CALU: variants seen among roughly 807,000 people sequenced by gnomAD.
The protein encoded by CALU is calumenin, also known as IEF SSP 9302.
Under a neutral mutation model 37.5 loss-of-function variants are expected in CALU, and 13 were observed. The observed-to-expected ratio is 0.35, with a 90% CI of 0.23 to 0.55. The LOEUF (loss-of-function observed/expected upper bound fraction) is 0.55. Ranked by LOEUF, CALU falls within the 20% of genes least tolerant of loss-of-function variation. The pLI, the probability that CALU is intolerant of heterozygous loss-of-function variation, is 0.89. For synonymous variants in CALU, 114 were observed against 133.8 expected, an observed-to-expected ratio of 0.85 and a Z score of 1.02; for missense variants, 282 against 391.7, an observed-to-expected ratio of 0.72 and a Z score of 2.36.
chr7:128,768,771 C>T (rs763588667), intron 6 of CALU, among the ~76,000 whole-genome samples: 4 of 141,572 alleles, frequency 2.8e-5, no homozygotes, highest in Admixed American at 7.6e-5. Context: ...CACTTTAACA[C>T]GGGAGGCGGA....
At chr7:128,765,697 TG>T (rs1268643840) in intron 5 of CALU, among the ~76,000 whole-genome samples, 1 of 152,252 alleles carries the variant, frequency 6.6e-6, no homozygotes, top group Non-Finnish European at 1.5e-5. Flanking sequence ...AGACGTTTTA[TG>T]TTTATATATT....
rs1801603309 is a variant in CALU, at chr7:128,772,122, T to C, written c.*2955T>C. ...TGTCTCTCCCATTTCTAAAGTGTTT[T>C]CTTAAGTTTGTTCTAATTCAGCATA... On this transcript the variant is annotated 3_prime_UTR_variant, in exon 7 of 7. Transcript: ENST00000249364. Among the ~76,000 whole-genome samples the C allele has an allele frequency of 6.6e-6, 1 of 151,492 alleles. No homozygotes were observed. The highest frequency in any genetic ancestry group is 1.5e-5 in the Non-Finnish European group (1 of 67,912).
chr7:128,756,550 A>G (rs1438126783), intron 3 of CALU, among the ~76,000 whole-genome samples: 1 of 152,170 alleles, frequency 6.6e-6, no homozygotes, highest in East Asian at 1.9e-4. Context: ...GGTATAAATC[A>G]TCATAGCTCT....
rs189673904 is a variant in CALU, at chr7:128,744,263, T to A, written c.-11-4310T>A. ...TTTCAAATGCTGTGTATGAAGTTATTTTTTACTGTTCCTTTCACATCTTCC... is the reference window on the plus strand; with the variant it reads ...TTTCAAATGCTGTGTATGAAGTTATATTTTACTGTTCCTTTCACATCTTCC... On this transcript the variant is annotated intron_variant, in intron 1 of 6. Transcript: ENST00000249364. Among the ~76,000 whole-genome samples, 15 of 152,244 alleles carry A rather than the reference T, an allele frequency of 9.9e-5. No homozygotes were observed. In the East Asian group the frequency reaches 2.5e-3, roughly 26 times the overall value.
rs756458175 is a variant in CALU, at chr7:128,758,995, G to A, written c.540G>A (p.Leu180=). ...IATKEEFTAF[L]HPEEYDYMKD... is the part of the protein sequence containing the mutation. ...CCAAGGAGGAGTTCACAGCTTTCCT[G>A]CACCCTGAGGAGTATGACTACATGA... Residue 180 remains leucine, a synonymous_variant, in exon 4 of 7, where the codon CTG becomes CTA. Coordinates refer to ENST00000249364, the MANE Select transcript of CALU (RefSeq NM_001219.5). The A allele has an allele frequency of 6.2e-7, 1 of 1,614,000 alleles. No individual in the cohort carries two copies. The highest frequency in any genetic ancestry group is 8.5e-7 in the Non-Finnish European group (1 of 1,179,922).
chr7:128,768,554 A>C (rs1433801379), intron 6 of CALU, among the ~76,000 whole-genome samples: 3 of 152,110 alleles, frequency 2.0e-5, no homozygotes, highest in African/African-American at 2.4e-5. Context: ...GAAATGTTTA[A>C]TTGGCCTGGC....
intron 5 of CALU, among the ~76,000 whole-genome samples, chr7:128,763,560 G>A (rs1446896427): frequency 6.6e-6 from 1 of 152,112 alleles, no homozygotes; most frequent in Non-Finnish European, 1.5e-5. Flanking sequence ...AATAAAAATA[G>A]AAATTCAAAT....
chr7:128,752,921 G>A (rs1045779101), intron 2 of CALU, among the ~76,000 whole-genome samples: 2 of 152,034 alleles, frequency 1.3e-5, no homozygotes, highest in Non-Finnish European at 2.9e-5. Flanking sequence ...CTCACCTCCC[G>A]CCAGGTGATC....
At chr7:128,767,356 C>T in intron 5 of CALU, 100 bp from the exon 6 acceptor site, 1 of 911,934 alleles carries the variant, frequency 1.1e-6, no homozygotes, top group Admixed American at 1.8e-5. Flanking sequence ...CTGTTGGGTT[C>T]CAAACAAATG....
chr7:128,766,851 A>AGT (rs1218845869), intron 5 of CALU, among the ~76,000 whole-genome samples: 1 of 152,352 alleles, frequency 6.6e-6, no homozygotes, highest in East Asian at 1.9e-4. Context: ...TCTTTTATAA[A>AGT]GTGGGACAAG....
rs1442710550 is a variant in CALU, at chr7:128,739,437, G to T, written c.-12+5G>T. On this transcript the variant is annotated splice_donor_5th_base_variant and intron_variant, in intron 1 of 6. Coordinates refer to ENST00000249364, the MANE Select transcript of CALU (RefSeq NM_001219.5). ...CTGTGGGGGCTACGAGGAAAGGTAAGTACGGTGATGCCCAGCCCCTTCACC... is the reference window on the plus strand; with the variant it reads ...CTGTGGGGGCTACGAGGAAAGGTAATTACGGTGATGCCCAGCCCCTTCACC... 6.6e-6 allele frequency: 1 copy of T among 152,580 alleles called. No individual in the cohort carries two copies. Among genetic ancestry groups the T allele is most frequent in the Admixed American group, 6.5e-5 (1 of 15,288 alleles). The allele number at this position is 152,580 out of a possible 1,614,324, so 9.5% of individuals were successfully genotyped here. A position where few individuals can be genotyped will look rare whatever the true frequency, so the allele number is the denominator to read the frequency against.
chr7:128,754,594 G>A, intron 3 of CALU, 139 bp downstream of exon 3: 2 of 1,551,968 alleles, frequency 1.3e-6, no homozygotes, highest in Non-Finnish European at 1.7e-6. Flanking sequence ...CTGAAATCCT[G>A]GATTAAGCAC....
intron 5 of CALU, among the ~76,000 whole-genome samples, chr7:128,764,746 T>C (rs1418891921): frequency 2.6e-5 from 4 of 152,224 alleles, no homozygotes; most frequent in South Asian, 2.1e-4. Flanking sequence ...TTTTTAGTTA[T>C]GGCGTTTGGT....
Position 128,748,780 on chromosome 7 carries a change from C to G in CALU, c.197C>G (p.Pro66Arg), listed in dbSNP as rs1176723009. 11 of 1,613,942 alleles carry G rather than the reference C, an allele frequency of 6.8e-6. No individual in the cohort carries two copies. Among genetic ancestry groups the G allele is most frequent in the Non-Finnish European group, 8.5e-6 (10 of 1,179,852 alleles). ...EEAKTFDQLT[P>R]EESKERLGKI... ...GCAAAGACCTTTGATCAGCTGACAC[C>G]AGAAGAGAGCAAGGAAAGGCTTGGG... is the stretch of plus-strand genomic sequence containing the variant. The change falls in exon 2 of 7, where the codon CCA (proline) becomes CGA (arginine). Residue 66 changes from proline (P) to arginine (R), a missense_variant. Coordinates refer to ENST00000249364, the MANE Select transcript of CALU (RefSeq NM_001219.5).
intron 6 of CALU, 122 bp downstream of exon 6, chr7:128,767,777 A>G (rs1243023053): frequency 1.3e-6 from 1 of 767,276 alleles, no homozygotes; most frequent in African/African-American, 1.7e-5. Flanking sequence ...AAGTCAGCCA[A>G]GTATCTGAAT....
chr7:128,743,765 A>G (rs1309709678), intron 1 of CALU, among the ~76,000 whole-genome samples: 2 of 152,116 alleles, frequency 1.3e-5, no homozygotes, highest in African/African-American at 4.8e-5. Context: ...TGGCCCTCCA[A>G]AGTGCTGGGA....
intron 5 of CALU, among the ~76,000 whole-genome samples, chr7:128,766,425 C>CTTTT (rs11288081): frequency 5.9e-4 from 56 of 94,784 alleles, no homozygotes; most frequent in African/African-American, 1.2e-3. Context: ...ATTTCTTTTT[C>CTTTT]TTTTTTTTTT....
At chr7:128,746,646 G>A (rs1213322698) in intron 1 of CALU, among the ~76,000 whole-genome samples, 1 of 151,562 alleles carries the variant, frequency 6.6e-6, no homozygotes, top group Non-Finnish European at 1.5e-5. Flanking sequence ...TAGAGACAGT[G>A]TTTCGCTATC....
intron 1 of CALU, 22 bp from the exon 2 acceptor site, chr7:128,748,551 A>G: frequency 6.4e-7 from 1 of 1,568,270 alleles, no homozygotes; most frequent in Non-Finnish European, 8.8e-7. Context: ...TCCTGAATTA[A>G]CTGCTTTTCA....
Sources: allele counts gnomAD v4.1 joint callset (sites outside exome capture counted in the v4.1 genomes callset), GRCh38; gene constraint gnomAD v4.1.1; transcripts MANE v1.5; gene names NCBI Gene and HGNC (gene_info 2026-07-23, HGNC 2026-07-21).